The following MOCOS variants were observed in gnomAD, a reference collection of about 807,000 sequenced individuals.
The protein encoded by MOCOS is molybdenum cofactor sulfurase.
Under a neutral mutation model 83.6 loss-of-function variants are expected in MOCOS, and 86 were observed. The ratio of observed to expected loss-of-function variants is 1.03; its 90% CI spans 0.86 to 1.23. The LOEUF (loss-of-function observed/expected upper bound fraction) is 1.23, where lower values mean the gene tolerates loss of function less well. Among genes scored for constraint, MOCOS ranks in the 50% most tolerant of loss-of-function variants. The probability of loss-of-function intolerance (pLI) is 0.00; values close to 1 mark genes in which losing one functional copy is unlikely to be tolerated. For synonymous variants in MOCOS, 445 were observed against 434.7 expected (o/e 1.02, Z -0.29); for missense variants, 1,120 against 1,126.9 (o/e 0.99, Z 0.09).
At chr18:36,259,967 A>G in intron 12 of MOCOS, 70 bp from the exon 13 acceptor site, 2 of 1,590,122 alleles carry the variant, frequency 1.3e-6, no homozygotes, top group East Asian at 4.5e-5. Flanking sequence ...GGCAGGCATG[A>G]TGAATTATTA....
chr18:36,253,666 A>G (rs76511669), intron 11 of MOCOS, among the ~76,000 whole-genome samples: 1 of 113,246 alleles, frequency 8.8e-6, no homozygotes, highest in Non-Finnish European at 2.0e-5. Context: ...CTCTGTCTCA[A>G]AAAAAAAAAA....
intron 2 of MOCOS, among the ~76,000 whole-genome samples, chr18:36,198,160 G>A (rs1393416340): frequency 6.6e-6 from 1 of 152,182 alleles, no homozygotes; most frequent in African/African-American, 2.4e-5. Flanking sequence ...GGCTGAGGCA[G>A]GAAGATTGCT....
intron 4 of MOCOS, among the ~76,000 whole-genome samples, chr18:36,201,349 T>C (rs942654095): frequency 3.3e-5 from 5 of 152,202 alleles, no homozygotes; most frequent in Non-Finnish European, 7.3e-5. Flanking sequence ...CTGCACCTCA[T>C]GTTTTTTCTG....
chr18:36,253,742 C>T (rs2091630405), intron 11 of MOCOS, among the ~76,000 whole-genome samples: 1 of 150,200 alleles, frequency 6.7e-6, no homozygotes, highest in African/African-American at 2.4e-5. Context: ...CATGGCAGGG[C>T]TTGGCATTCA....
chr18:36,211,658 G>A (rs949777186), intron 6 of MOCOS, among the ~76,000 whole-genome samples: 2 of 152,018 alleles, frequency 1.3e-5, no homozygotes, highest in East Asian at 3.9e-4. Flanking sequence ...GCCTGTGTGG[G>A]ATTCCCCAGG....
Position 36,269,152 on chromosome 18 carries a change from A to G in MOCOS, c.*467A>G. 5.5e-6 allele frequency: 1 copy of G among 182,156 alleles called. No individual in the cohort carries two copies. The highest frequency in any genetic ancestry group is 1.2e-5 in the Non-Finnish European group (1 of 86,124). The allele number at this position is 182,156 out of a possible 1,614,324, so 11.3% of individuals were successfully genotyped here. A position where few individuals can be genotyped will look rare whatever the true frequency, so the allele number is the denominator to read the frequency against. ...AAGGTGCTCCTCTCCTCCCATGTACATGATGGTGTGGGTTTATGCTCAGGG... is the reference window on the plus strand; with the variant it reads ...AAGGTGCTCCTCTCCTCCCATGTACGTGATGGTGTGGGTTTATGCTCAGGG... On this transcript the variant is annotated 3_prime_UTR_variant, in exon 15 of 15. Coordinates refer to ENST00000261326, the MANE Select transcript of MOCOS (RefSeq NM_017947.4).
At chr18:36,258,822 A>C (rs918654069) in intron 12 of MOCOS, among the ~76,000 whole-genome samples, 2 of 152,174 alleles carry the variant, frequency 1.3e-5, no homozygotes, top group African/African-American at 4.8e-5. Flanking sequence ...AATGAGGCAA[A>C]GTATCTGCTG....
intron 4 of MOCOS, among the ~76,000 whole-genome samples, chr18:36,201,206 C>T (rs901276023): frequency 4.6e-5 from 7 of 152,168 alleles, no homozygotes; most frequent in East Asian, 1.9e-4. Flanking sequence ...CCCACACAGA[C>T]GCAAGGGTCC....
At chr18:36,247,045 G>A (rs764532773) in intron 9 of MOCOS, among the ~76,000 whole-genome samples, 1 of 151,994 alleles carries the variant, frequency 6.6e-6, no homozygotes, top group Non-Finnish European at 1.5e-5. Context: ...CACTCTGGGG[G>A]TGGGGGGCTG....
At chr18:36,191,391 T>C (rs2091365585) in intron 1 of MOCOS, among the ~76,000 whole-genome samples, 2 of 152,212 alleles carry the variant, frequency 1.3e-5, no homozygotes, top group South Asian at 2.1e-4. Context: ...TCAGAGTCAA[T>C]TGCTGTCACT....
intron 9 of MOCOS, among the ~76,000 whole-genome samples, chr18:36,225,156 T>C (rs1320914628): frequency 1.3e-5 from 2 of 152,166 alleles, no homozygotes; most frequent in Non-Finnish European, 2.9e-5. Flanking sequence ...TTTTTTGTTT[T>C]GTTTGTTTGT....
At chr18:36,231,271 AG>A (rs2091536729) in intron 9 of MOCOS, among the ~76,000 whole-genome samples, 1 of 152,190 alleles carries the variant, frequency 6.6e-6, no homozygotes, top group South Asian at 2.1e-4. Flanking sequence ...TTAAGGAAAA[AG>A]TACACTTGGC....
chr18:36,242,902 C>T (rs2091589099), intron 9 of MOCOS, among the ~76,000 whole-genome samples: 1 of 152,158 alleles, frequency 6.6e-6, no homozygotes. Flanking sequence ...TAGAGCCAAA[C>T]CATATCAGAT....
At chr18:36,196,100 G>A (rs1444069900) in intron 2 of MOCOS, among the ~76,000 whole-genome samples, 3 of 152,198 alleles carry the variant, frequency 2.0e-5, no homozygotes, top group Non-Finnish European at 4.4e-5. Context: ...TCTGAATGGG[G>A]AGGGAGGGAG....
chr18:36,188,578 A>G (rs1420476587), intron 1 of MOCOS, among the ~76,000 whole-genome samples: 3 of 152,200 alleles, frequency 2.0e-5, no homozygotes, highest in Non-Finnish European at 2.9e-5. Context: ...ACGTCTTGGC[A>G]CAGGGCACCG....
At chr18:36,212,893 C>A (rs7235641) in intron 6 of MOCOS, among the ~76,000 whole-genome samples, 61 of 152,332 alleles carry the variant, frequency 4.0e-4, no homozygotes, top group African/African-American at 1.5e-3. Context: ...GTACTTGATT[C>A]ACAGCCTGGA....
chr18:36,206,828 G>T (rs2091436627), intron 6 of MOCOS, among the ~76,000 whole-genome samples: 1 of 152,050 alleles, frequency 6.6e-6, no homozygotes, highest in South Asian at 2.1e-4. Context: ...ATTTTTTTGT[G>T]GCTGTGTAGT....
chr18:36,227,907 A>G (rs2091523853), intron 9 of MOCOS, among the ~76,000 whole-genome samples: 1 of 152,262 alleles, frequency 6.6e-6, no homozygotes, highest in Non-Finnish European at 1.5e-5. Flanking sequence ...GACAGCCTAT[A>G]GAATGGGAGA....
chr18:36,222,961 AGGAGTTC>A (rs2091502266), intron 9 of MOCOS, among the ~76,000 whole-genome samples: 1 of 152,186 alleles, frequency 6.6e-6, no homozygotes, highest in African/African-American at 2.4e-5. Context: ...GCTGAGTTGT[AGGAGTTC>A]CTTATATATC....
Sources: allele counts gnomAD v4.1 joint callset (sites outside exome capture counted in the v4.1 genomes callset), GRCh38; gene constraint gnomAD v4.1.1; transcripts MANE v1.5; gene names NCBI Gene and HGNC (gene_info 2026-07-23, HGNC 2026-07-21).